Variants in SCAPER observed in about 807,000 individuals in gnomAD.
SCAPER encodes the protein S phase cyclin A-associated protein in the endoplasmic reticulum.
Under a neutral mutation model 182.2 loss-of-function variants are expected in SCAPER, and 98 were observed. The observed-to-expected ratio is 0.54, with a 90% CI of 0.46 to 0.64. SCAPER has a LOEUF of 0.64. SCAPER is among the 30% of genes least tolerant of loss of function. The probability of loss-of-function intolerance (pLI) is 0.00; values close to 1 mark genes in which losing one functional copy is unlikely to be tolerated. For synonymous variants in SCAPER, 605 were observed against 564.6 expected (o/e 1.07, Z -1.01); for missense variants, 1,432 against 1,690.0 (o/e 0.85, Z 2.68).
chr15:76,509,222 T>C (rs1254064259), intron 23 of SCAPER, among the ~76,000 whole-genome samples: 1 of 152,218 alleles, frequency 6.6e-6, no homozygotes, highest in Non-Finnish European at 1.5e-5. Flanking sequence ...CAATTTTTAG[T>C]AGATTCTCAA....
intron 21 of SCAPER, among the ~76,000 whole-genome samples, chr15:76,646,761 G>C (rs1470607444): frequency 2.0e-5 from 3 of 152,116 alleles, no homozygotes; most frequent in Non-Finnish European, 4.4e-5. Flanking sequence ...ATCACATATA[G>C]GTTATATAGG....
intron 17 of SCAPER, among the ~76,000 whole-genome samples, chr15:76,719,228 AT>A (rs1219108114): frequency 6.6e-6 from 1 of 152,238 alleles, no homozygotes; most frequent in African/African-American, 2.4e-5. Flanking sequence ...AGACATTGTC[AT>A]TTGCCACAAT....
chr15:76,765,240 T>C, intron 13 of SCAPER, 97 bp downstream of exon 13: 2 of 1,065,636 alleles, frequency 1.9e-6, no homozygotes, highest in Non-Finnish European at 1.4e-6. Context: ...CCTGAAGTAA[T>C]GTGTCCAAAA....
At chr15:76,839,484 T>C (rs1451421365) in intron 5 of SCAPER, among the ~76,000 whole-genome samples, 1 of 152,240 alleles carries the variant, frequency 6.6e-6, no homozygotes, top group Non-Finnish European at 1.5e-5. Context: ...ACCCAGCATG[T>C]GCTTAGACCA....
rs539672339 is a variant in SCAPER at position 76,576,575 on chromosome 15, A to G, written c.2712-2291T>C. ...ACTATCCACATAAAAAAGTACCTTA[A>G]TAAGAACCGAAAGTTGTGTGAATCA... On this transcript the variant is annotated intron_variant, in intron 22 of 31. Transcript: ENST00000563290. 2.6e-5 allele frequency among the ~76,000 whole-genome samples: 4 copies of G among 152,336 alleles called. No homozygotes were observed. The South Asian group carries it at 8.3e-4, about 32-fold the overall frequency.
chr15:76,782,927 C>A (rs1269989411), intron 8 of SCAPER, among the ~76,000 whole-genome samples: 1 of 152,112 alleles, frequency 6.6e-6, no homozygotes, highest in Non-Finnish European at 1.5e-5. Flanking sequence ...CAAGAGAAAG[C>A]AGGAAAGATC....
At chr15:76,476,595 A>ATTTTTTTTTTT (rs5813839) in intron 24 of SCAPER, among the ~76,000 whole-genome samples, 8 of 73,498 alleles carry the variant, frequency 1.1e-4, no homozygotes, top group Admixed American at 4.6e-4. Flanking sequence ...CACCCAGCTA[A>ATTTTTTTTTTT]TTTTTTTTTT....
chr15:76,501,692 A>C (rs886650587), intron 24 of SCAPER, among the ~76,000 whole-genome samples: 1 of 152,238 alleles, frequency 6.6e-6, no homozygotes, highest in African/African-American at 2.4e-5. Flanking sequence ...GAAATGCCAC[A>C]GGAGGCAGGA....
At chr15:76,428,891 TATAA>T (rs1432791953) in intron 26 of SCAPER, among the ~76,000 whole-genome samples, 1 of 139,998 alleles carries the variant, frequency 7.1e-6, no homozygotes, top group Non-Finnish European at 1.5e-5. Flanking sequence ...TATATATATA[TATAA>T]ACATCAAAAT....
chr15:76,566,386 G>A (rs904547760), intron 23 of SCAPER, among the ~76,000 whole-genome samples: 4 of 152,038 alleles, frequency 2.6e-5, no homozygotes, highest in Admixed American at 6.6e-5. Context: ...ATTCAGATTC[G>A]AAAGAGTCAC....
In SCAPER at chr15:76,878,526, G is replaced by A. The variant is rs373256475; in HGVS notation, c.6+5286C>T. 3.9e-4 allele frequency among the ~76,000 whole-genome samples: 59 copies of A among 152,200 alleles called. No homozygotes were observed. In the East Asian group the frequency reaches 5.0e-3, roughly 13 times the overall value. On this transcript the variant is annotated intron_variant, in intron 2 of 31. Transcript: ENST00000563290. ...AAGAACAGATCCTATTCAAAAGATG[G>A]TATTAAAAAATGAAAAAGCAAGCTA...
At chr15:76,427,933 C>CAA (rs35011897) in intron 26 of SCAPER, among the ~76,000 whole-genome samples, 1 of 131,926 alleles carries the variant, frequency 7.6e-6, no homozygotes, top group African/African-American at 2.8e-5. Flanking sequence ...AACTCCATCT[C>CAA]AAAAAAAAAA....
At chr15:76,521,318 C>T (rs2042816767) in intron 23 of SCAPER, among the ~76,000 whole-genome samples, 1 of 151,700 alleles carries the variant, frequency 6.6e-6, no homozygotes, top group African/African-American at 2.4e-5. Context: ...TATATCAATT[C>T]AGCAAACTAT....
intron 21 of SCAPER, among the ~76,000 whole-genome samples, chr15:76,655,600 C>T (rs917153476): frequency 1.3e-5 from 2 of 152,184 alleles, no homozygotes; most frequent in African/African-American, 4.8e-5. Context: ...ATCAGACTCT[C>T]CACAATCAAA....
intron 25 of SCAPER, among the ~76,000 whole-genome samples, chr15:76,453,510 A>G (rs2048516708): frequency 6.6e-6 from 1 of 152,218 alleles, no homozygotes; most frequent in Non-Finnish European, 1.5e-5. Context: ...ATGTTTCCTC[A>G]TAATTAGATT....
intron 23 of SCAPER, among the ~76,000 whole-genome samples, chr15:76,565,109 T>C (rs933286202): frequency 6.6e-6 from 1 of 151,648 alleles, no homozygotes; most frequent in Non-Finnish European, 1.5e-5. Flanking sequence ...CAGGCAAAGA[T>C]CTTATGATGA....
At chr15:76,617,808 T>C (rs1238884116) in intron 22 of SCAPER, among the ~76,000 whole-genome samples, 1 of 151,918 alleles carries the variant, frequency 6.6e-6, no homozygotes, top group Non-Finnish European at 1.5e-5. Context: ...GGAAACAGAG[T>C]CCACTTCTTG....
chr15:76,351,693 T>C (rs1373646572), intron 30 of SCAPER, among the ~76,000 whole-genome samples: 1 of 152,190 alleles, frequency 6.6e-6, no homozygotes, highest in Admixed American at 6.5e-5. Flanking sequence ...AAATGTAATA[T>C]AAAATATGTA....
At chr15:76,864,032 A>C (rs111952985) in intron 2 of SCAPER, among the ~76,000 whole-genome samples, 25 of 152,270 alleles carry the variant, frequency 1.6e-4, no homozygotes, top group African/African-American at 6.0e-4. Context: ...AGCCCCTAGA[A>C]AACTGCTGCC....
Sources: allele counts gnomAD v4.1 joint callset (sites outside exome capture counted in the v4.1 genomes callset), GRCh38; gene constraint gnomAD v4.1.1; transcripts MANE v1.5; gene names NCBI Gene and HGNC (gene_info 2026-07-23, HGNC 2026-07-21).